PKD2: variants seen among roughly 807,000 people sequenced by gnomAD.
The protein encoded by PKD2 is polycystin 2, transient receptor potential cation channel, also known as polycystin-2.
Under a neutral mutation model 105.9 loss-of-function variants are expected in PKD2, and 48 were observed. That is an observed-to-expected ratio of 0.45 (90% CI 0.36 to 0.58). PKD2 has a LOEUF of 0.58. Among genes scored for constraint, PKD2 ranks in the 20% least tolerant of loss-of-function variants. The pLI is 0.00. For missense variants in PKD2, 1,078 were observed against 1,255.3 expected (o/e 0.86, Z 2.13); for synonymous variants, 464 against 481.1 (o/e 0.96, Z 0.46).
At chr4:88,032,866 A>G (rs1727210116) in intron 2 of PKD2, among the ~76,000 whole-genome samples, 1 of 152,220 alleles carries the variant, frequency 6.6e-6, no homozygotes, top group African/African-American at 2.4e-5. Context: ...AGATTCCAAA[A>G]TCAGGCTTAG....
At chr4:88,026,806 T>C (rs974453251) in intron 2 of PKD2, among the ~76,000 whole-genome samples, 42 of 152,336 alleles carry the variant, frequency 2.8e-4, no homozygotes, top group African/African-American at 9.9e-4. Context: ...TGGCACCCTG[T>C]GTTCCAGCCA....
At position 88,025,588 on chromosome 4, in the gene PKD2, T is replaced by C. The variant is rs892248187; in HGVS notation, c.709+6017T>C. Among the ~76,000 whole-genome samples, 8 of 149,600 alleles carry C rather than the reference T, an allele frequency of 5.3e-5. No homozygotes were observed. In the Admixed American group the frequency reaches 5.4e-4, roughly 10 times the overall value. Reference sequence around the variant, plus strand: ...GTGGTCATGCCACTGCACTCCAGCCTGGGTGACAGAGCAAGACCCTGTCTC... The same window carrying C: ...GTGGTCATGCCACTGCACTCCAGCCCGGGTGACAGAGCAAGACCCTGTCTC... On this transcript the variant is annotated intron_variant, in intron 2 of 14. Coordinates refer to ENST00000237596, the MANE Select transcript of PKD2 (RefSeq NM_000297.4).
At chr4:88,060,724 G>A (rs1720541925) in intron 9 of PKD2, among the ~76,000 whole-genome samples, 1 of 152,078 alleles carries the variant, frequency 6.6e-6, no homozygotes, top group African/African-American at 2.4e-5. Context: ...AAAGTTTGTT[G>A]TTGGAAATGC....
intron 9 of PKD2, 103 bp downstream of exon 9, chr4:88,058,206 C>A: frequency 1.3e-6 from 1 of 763,838 alleles, no homozygotes; most frequent in Admixed American, 2.5e-5. Flanking sequence ...AAATAAAGAC[C>A]CAGGAAGTAG....
At chr4:88,025,745 T>C (rs1726937462) in intron 2 of PKD2, among the ~76,000 whole-genome samples, 1 of 152,344 alleles carries the variant, frequency 6.6e-6, no homozygotes, top group South Asian at 2.1e-4. Context: ...CGGAGGTTCC[T>C]GGTAGGAGAT....
At chr4:88,036,085 C>T in intron 2 of PKD2, 135 bp from the exon 3 acceptor site, 1 of 1,337,570 alleles carries the variant, frequency 7.5e-7, no homozygotes, top group Non-Finnish European at 1.1e-6. Context: ...GAAAGGAAGG[C>T]AAGGGTGAGA....
rs1001698448 is a variant in PKD2, at chr4:88,074,755, G to A, written c.2523-57G>A. 5 of 1,593,436 alleles carry A rather than the reference G, an allele frequency of 3.1e-6. No homozygotes were observed. The Admixed American group carries it at 8.3e-5, about 27-fold the overall frequency. On this transcript the variant is annotated intron_variant, in intron 13 of 14. Coordinates refer to ENST00000237596, the MANE Select transcript of PKD2 (RefSeq NM_000297.4). ...TAGCACTTCCTTTTGAAAAGCCAGT[G>A]GGGCTGAAAAGACAATGACAAGCAC...
Position 88,019,341 on chromosome 4 carries a change from A to C in PKD2, c.596-117A>C. 6.2e-6 allele frequency: 4 copies of C among 649,392 alleles called. No homozygotes were observed. The South Asian group carries it at 7.1e-5, about 12-fold the overall frequency. The allele number at this position is 649,392 out of a possible 1,614,324, so 40.2% of individuals were successfully genotyped here. Reference sequence around the variant, plus strand: ...TTCAAAATGTGATTAAAAAAAAAAAAAGGAGAATCTCCCTTATAGGTGAAC... The same window carrying C: ...TTCAAAATGTGATTAAAAAAAAAAACAGGAGAATCTCCCTTATAGGTGAAC... On this transcript the variant is annotated intron_variant, in intron 1 of 14. Transcript: ENST00000237596.
intron 1 of PKD2, among the ~76,000 whole-genome samples, chr4:88,018,970 G>C (rs578087768): frequency 8.4e-4 from 128 of 152,250 alleles, no homozygotes; most frequent in African/African-American, 3.0e-3. Flanking sequence ...ATATTGAAGT[G>C]ATTCTCCAAC....
At chr4:88,037,729 A>G (rs117169829) in intron 3 of PKD2, among the ~76,000 whole-genome samples, 140 of 152,330 alleles carry the variant, frequency 9.2e-4, no homozygotes, top group East Asian at 3.5e-3. Flanking sequence ...AGACTTTTGT[A>G]TACACATTCC....
intron 12 of PKD2, among the ~76,000 whole-genome samples, chr4:88,067,535 C>T (rs1163724206): frequency 6.6e-6 from 1 of 152,006 alleles, no homozygotes; most frequent in Non-Finnish European, 1.5e-5. Context: ...AGAGTCTCAC[C>T]TTGCTGCCCA....
chr4:88,024,457 G>GAAAAAAAAAAAA (rs552942631), intron 2 of PKD2, among the ~76,000 whole-genome samples: 202 of 50,266 alleles, frequency 4.0e-3, no homozygotes, highest in Middle Eastern at 0.029. Flanking sequence ...ACTCTGTCTC[G>GAAAAAAAAAAAA]AAAAAAAAAA....
At chr4:88,018,858 C>T (rs574094560) in intron 1 of PKD2, among the ~76,000 whole-genome samples, 9 of 152,332 alleles carry the variant, frequency 5.9e-5, no homozygotes, top group South Asian at 2.1e-4. Context: ...CAGCTAAGCA[C>T]GCTTAGTGTA....
intron 4 of PKD2, 94 bp downstream of exon 4, chr4:88,038,595 C>A: frequency 2.2e-6 from 3 of 1,353,132 alleles, no homozygotes; most frequent in Non-Finnish European, 3.2e-6. Context: ...ACACCTTCAC[C>A]AAGGCAAAAA....
At chr4:88,065,254 A>G (rs1330863752) in intron 10 of PKD2, 120 bp from the exon 11 acceptor site, 1 of 842,494 alleles carries the variant, frequency 1.2e-6, no homozygotes. Flanking sequence ...TCCAGCACGT[A>G]CTTGTTGAAT....
chr4:88,070,836 T>C lies in PKD2; in HGVS notation c.2522+2775T>C, dbSNP rs556418426. Among the ~76,000 whole-genome samples the C allele has an allele frequency of 5.9e-4, 90 of 152,082 alleles. No homozygotes were observed. The East Asian group carries it at 0.013, about 22-fold the overall frequency. ...AATTTGTAGAGATGGCATCTTGTTA[T>C]GTTGCCCAGGTTGGTCTCAAACTCC... On this transcript the variant is annotated intron_variant, in intron 13 of 14. Coordinates refer to ENST00000237596, the MANE Select transcript of PKD2 (RefSeq NM_000297.4).
Position 88,007,651 on chromosome 4 carries a change from C to G in PKD2, c.-83C>G, listed in dbSNP as rs1726213038. ...GCGGGGAGCAGGCGGCGGCGGGCGC[C>G]GGGAAGAAAGGAACATGGCTCCTGA... On this transcript the variant is annotated 5_prime_UTR_variant, in exon 1 of 15. Transcript: ENST00000237596. The G allele has an allele frequency of 3.2e-6, 3 of 936,912 alleles. No individual in the cohort carries two copies. The highest frequency in any genetic ancestry group is 3.9e-6 in the Non-Finnish European group (3 of 768,222). 58.0% of individuals were successfully genotyped at this position (936,912 alleles called of 1,614,324 possible).
chr4:88,019,630 A>T, intron 2 of PKD2, 59 bp downstream of exon 2: 2 of 931,100 alleles, frequency 2.1e-6, no homozygotes, highest in Non-Finnish European at 3.6e-6. Context: ...GACCTATCCA[A>T]ATCATAATTA....
chr4:88,050,418 T>C (rs1229839560), intron 6 of PKD2, among the ~76,000 whole-genome samples: 1 of 152,172 alleles, frequency 6.6e-6, no homozygotes, highest in Non-Finnish European at 1.5e-5. Flanking sequence ...AGTTCTTTTG[T>C]AGATAGGGAT....
Sources: allele counts gnomAD v4.1 joint callset (sites outside exome capture counted in the v4.1 genomes callset), GRCh38; gene constraint gnomAD v4.1.1; transcripts MANE v1.5; gene names NCBI Gene and HGNC (gene_info 2026-07-23, HGNC 2026-07-21).